The following GALNT13 variants were observed in gnomAD, a reference collection of about 807,000 sequenced individuals.
GALNT13 encodes the protein UDP-GalNAc:polypeptide N-acetylgalactosaminyltransferase 13.
In GALNT13, 28 loss-of-function variants were observed where a neutral mutation model predicts 64.2. The observed-to-expected ratio is 0.44, with a 90% CI of 0.32 to 0.60. The LOEUF is 0.60. Among genes scored for constraint, GALNT13 ranks in the 20% least tolerant of loss-of-function variants. The pLI, the probability that GALNT13 is intolerant of heterozygous loss-of-function variation, is 0.05. For missense variants in GALNT13, 577 were observed against 669.8 expected, an observed-to-expected ratio of 0.86 and a Z score of 1.53; for synonymous variants, 214 against 224.6, an observed-to-expected ratio of 0.95 and a Z score of 0.42.
the GALNT13 span, among the ~76,000 whole-genome samples, chr2:153,769,891 C>T: frequency 6.6e-6 from 1 of 152,012 alleles, no homozygotes. Context: ...TTTGTAATTC[C>T]TTTAATGGAT....
chr2:153,302,969 C>T, the GALNT13 span, among the ~76,000 whole-genome samples: 2 of 152,048 alleles, frequency 1.3e-5, no homozygotes, highest in Non-Finnish European at 2.9e-5. Context: ...ATTTTGAAGT[C>T]AGGTAGTGTG....
the GALNT13 span, among the ~76,000 whole-genome samples, chr2:153,587,355 T>A: frequency 1.3e-5 from 2 of 152,190 alleles, no homozygotes; most frequent in Admixed American, 1.3e-4. Flanking sequence ...AAAGGCTGTA[T>A]GTGTCTGTTC....
rs150916765 is a variant in GALNT13 at position 153,922,040 on chromosome 2, G to A, written c.-105+21033G>A. Among the ~76,000 whole-genome samples the A allele has an allele frequency of 9.2e-5, 14 of 152,142 alleles. No individual in the cohort carries two copies. The East Asian group carries it at 1.9e-3, about 21-fold the overall frequency. ...ACATATAGAAAAAAATCCATGTATC[G>A]GTTAGTGGGTTTTATTAATTTAGAT... On this transcript the variant is annotated intron_variant, in intron 2 of 12. Transcript: ENST00000392825.
the GALNT13 span, among the ~76,000 whole-genome samples, chr2:153,522,158 GC>G: frequency 6.6e-6 from 1 of 151,826 alleles, no homozygotes; most frequent in African/African-American, 2.4e-5. Context: ...CATGGTGAAA[GC>G]CTGTCTCTAC....
At chr2:154,118,476 C>CACAA (rs1681734447) in intron 3 of GALNT13, among the ~76,000 whole-genome samples, 2 of 151,552 alleles carry the variant, frequency 1.3e-5, no homozygotes, top group Non-Finnish European at 2.9e-5. Context: ...TTCAGTAACT[C>CACAA]TATTTCTTTT....
At chr2:153,439,370 G>A in the GALNT13 span, among the ~76,000 whole-genome samples, 2 of 152,180 alleles carry the variant, frequency 1.3e-5, no homozygotes, top group Non-Finnish European at 2.9e-5. Context: ...ATTTTCGTCT[G>A]CAGAGGTTAC....
At chr2:153,194,093 A>G in the GALNT13 span, among the ~76,000 whole-genome samples, 2 of 152,152 alleles carry the variant, frequency 1.3e-5, no homozygotes, top group Admixed American at 6.5e-5. Flanking sequence ...ACTTTTATAT[A>G]TTTAAGGATC....
chr2:153,876,582 C>T (rs546072494), intron 1 of GALNT13, among the ~76,000 whole-genome samples: 1 of 152,128 alleles, frequency 6.6e-6, no homozygotes, highest in East Asian at 1.9e-4. Flanking sequence ...TTTGTTTCTT[C>T]TTGATTTCAT....
chr2:153,081,078 T>C, the GALNT13 span, among the ~76,000 whole-genome samples: 1 of 152,124 alleles, frequency 6.6e-6, no homozygotes, highest in African/African-American at 2.4e-5. Flanking sequence ...TATTTTGCTC[T>C]TTTAGATGAT....
At chr2:153,853,704 A>C in the GALNT13 span, among the ~76,000 whole-genome samples, 13 of 150,552 alleles carry the variant, frequency 8.6e-5, no homozygotes, top group East Asian at 2.5e-3. Flanking sequence ...ATTGCATAAT[A>C]TCATATAATT....
At chr2:154,102,217 T>C (rs1702384820) in intron 3 of GALNT13, among the ~76,000 whole-genome samples, 1 of 152,202 alleles carries the variant, frequency 6.6e-6, no homozygotes, top group African/African-American at 2.4e-5. Flanking sequence ...TATCTCTCTA[T>C]GATAATCTAT....
At chr2:153,158,327 A>C in the GALNT13 span, among the ~76,000 whole-genome samples, 1 of 152,176 alleles carries the variant, frequency 6.6e-6, no homozygotes, top group Non-Finnish European at 1.5e-5. Flanking sequence ...AAGTAATATC[A>C]GTTTTAATAG....
chr2:153,896,563 C>A (rs779041617), intron 1 of GALNT13, among the ~76,000 whole-genome samples: 4 of 151,704 alleles, frequency 2.6e-5, no homozygotes, highest in Admixed American at 1.3e-4. Context: ...TATTTTTTAA[C>A]CTTTACTTTT....
At chr2:154,024,073 C>T (rs1466428623) in intron 3 of GALNT13, among the ~76,000 whole-genome samples, 2 of 152,176 alleles carry the variant, frequency 1.3e-5, no homozygotes, top group Non-Finnish European at 2.9e-5. Flanking sequence ...AGCTGTTAGT[C>T]TGATGGGCTT....
chr2:154,059,871 G>A (rs1037380021), intron 3 of GALNT13, among the ~76,000 whole-genome samples: 3 of 152,144 alleles, frequency 2.0e-5, no homozygotes, highest in Non-Finnish European at 2.9e-5. Context: ...CAAGGTGTGG[G>A]CACGGTTAAG....
chr2:153,473,824 G>C, the GALNT13 span, among the ~76,000 whole-genome samples: 1,276 of 152,288 alleles, frequency 8.4e-3, 11 homozygotes, highest in Non-Finnish European at 0.012. Context: ...ATGCTTTAGG[G>C]AGAAAAAGTG....
At chr2:153,977,851 T>G (rs1694184877) in intron 3 of GALNT13, among the ~76,000 whole-genome samples, 1 of 152,184 alleles carries the variant, frequency 6.6e-6, no homozygotes, top group Admixed American at 6.5e-5. Flanking sequence ...AAATTCTAAC[T>G]TCTTCTCAAG....
intron 3 of GALNT13, among the ~76,000 whole-genome samples, chr2:153,998,668 C>T (rs201108988): frequency 6.6e-6 from 1 of 152,084 alleles, no homozygotes; most frequent in African/African-American, 2.4e-5. Flanking sequence ...TCAATTTTGG[C>T]TTTTGTTGCC....
the GALNT13 span, among the ~76,000 whole-genome samples, chr2:153,245,179 A>G: frequency 6.6e-6 from 1 of 152,256 alleles, no homozygotes; most frequent in African/African-American, 2.4e-5. Flanking sequence ...ACAGAAAGGG[A>G]CAGCTGTGGG....
Sources: gnomAD v4.1 joint callset for allele counts (sites outside exome capture counted in the v4.1 genomes callset) on GRCh38, gnomAD v4.1.1 for gene constraint, MANE v1.5 for transcripts, NCBI Gene and HGNC (gene_info 2026-07-23, HGNC 2026-07-21) for gene names.